The following CNOT1 variants were observed in gnomAD, a reference collection of about 807,000 sequenced individuals.
CNOT1 encodes the protein CCR4-associated factor 1.
In CNOT1, 15 loss-of-function variants were observed where a neutral mutation model predicts 273.8. That is an observed-to-expected ratio of 0.05 (90% confidence interval 0.04 to 0.08). CNOT1 has a LOEUF of 0.08. Among genes scored for constraint, CNOT1 ranks in the 10% least tolerant of loss-of-function variants. The pLI is 1.00. For missense variants in CNOT1, 1,644 were observed against 2,912.2 expected, an observed-to-expected ratio of 0.56 and a Z score of 10.02; for synonymous variants, 1,022 against 1,005.5, an observed-to-expected ratio of 1.02 and a Z score of -0.31.
Position 58,520,845 on chromosome 16 carries a change from C to T in CNOT1, c.*113G>A. On this transcript the variant is annotated 3_prime_UTR_variant, in exon 49 of 49. Transcript: ENST00000317147. ...CAACAGTAGTTGGGGCAGATACCCA[C>T]AAACCAAAGGGCTGGGAAAGTCAGG... 2 of 1,130,032 alleles carry T rather than the reference C, an allele frequency of 1.8e-6. No homozygotes were observed. The highest frequency in any genetic ancestry group is 2.6e-5 in the South Asian group (2 of 75,806). 70.0% of individuals were successfully genotyped at this position (1,130,032 alleles called of 1,614,324 possible).
chr16:58,546,655 A>C lies in CNOT1; in HGVS notation c.3828+17T>G. The C allele has an allele frequency of 1.2e-6, 2 of 1,613,910 alleles. No individual in the cohort carries two copies. The highest frequency in any genetic ancestry group is 1.7e-6 in the Non-Finnish European group (2 of 1,179,904). ...AAGGCAAAGAATGTTCCAGAGGACA[A>C]GGAAGCAGTAAATTACCTTTAAGTC... On this transcript the variant is annotated intron_variant, in intron 28 of 48. Transcript: ENST00000317147.
intron 12 of CNOT1, among the ~76,000 whole-genome samples, chr16:58,580,386 T>C (rs987769986): frequency 2.0e-5 from 3 of 150,752 alleles, no homozygotes; most frequent in Admixed American, 6.6e-5. Flanking sequence ...CTTTCCAACA[T>C]TTGATACTTT....
At chr16:58,628,039 G>A (rs1040353277) in intron 1 of CNOT1, among the ~76,000 whole-genome samples, 1 of 152,122 alleles carries the variant, frequency 6.6e-6, no homozygotes, top group Admixed American at 6.6e-5. Context: ...TGTTGGCCAG[G>A]CTGGTCTCGA....
intron 42 of CNOT1, among the ~76,000 whole-genome samples, chr16:58,531,747 A>C (rs1027907404): frequency 2.0e-5 from 3 of 152,230 alleles, no homozygotes; most frequent in African/African-American, 7.2e-5. Flanking sequence ...CCCACAACTG[A>C]GTTGAAGCAG....
intron 1 of CNOT1, among the ~76,000 whole-genome samples, chr16:58,617,704 A>G (rs1416073509): frequency 6.6e-6 from 1 of 152,112 alleles, no homozygotes; most frequent in Non-Finnish European, 1.5e-5. Flanking sequence ...CCTCAATGTA[A>G]ACACCTCAAA....
intron 3 of CNOT1, 110 bp from the exon 4 acceptor site, chr16:58,587,988 T>C (rs2151986790): frequency 2.7e-6 from 3 of 1,099,640 alleles, no homozygotes; most frequent in East Asian, 2.7e-5. Context: ...TACTGTTATA[T>C]ATTATCAAAA....
In CNOT1 at chr16:58,535,020, A is replaced by T. The variant is rs1182312391; in HGVS notation, c.5647-625T>A. 2.0e-5 allele frequency among the ~76,000 whole-genome samples: 3 copies of T among 152,372 alleles called. No homozygotes were observed. In the East Asian group the frequency reaches 5.8e-4, roughly 29 times the overall value. The stretch of plus-strand genomic sequence containing the variant: ...TTATTTAAAAGAAAGGAAAAATTAG[A>T]AACTATATGACATATGAACTAGAAG... On this transcript the variant is annotated intron_variant, in intron 39 of 48. Transcript: ENST00000317147.
At position 58,575,120 on chromosome 16, in the gene CNOT1, T is replaced by C. The variant is rs778807020; in HGVS notation, c.1714A>G (p.Met572Val). The C allele has an allele frequency of 9.9e-6, 16 of 1,613,628 alleles. No individual in the cohort carries two copies. The highest frequency in any genetic ancestry group is 5.0e-5 in the Admixed American group (3 of 59,912). ...GCAAATGGAGTACCATTTAGCAGCATTGACAAGGCCTAAAGGACAAAGCAC... is the reference window on the plus strand; with the variant it reads ...GCAAATGGAGTACCATTTAGCAGCACTGACAAGGCCTAAAGGACAAAGCAC... Reference protein sequence around the residue: ...DVAQDLKALSMLLNGTPFAFV... With the variant: ...DVAQDLKALSVLLNGTPFAFV... Residue 572 changes from methionine to valine, a missense_variant, in exon 15 of 49, where the codon ATG becomes GTG. This residue lies in a region of CNOT1 where 706 missense variants were observed against 1,021.2 expected (regional missense o/e 0.69). Transcript: ENST00000317147.
At chr16:58,612,960 TA>T (rs1325009373) in intron 1 of CNOT1, among the ~76,000 whole-genome samples, 1 of 152,196 alleles carries the variant, frequency 6.6e-6, no homozygotes, top group East Asian at 1.9e-4. Flanking sequence ...GTGATATTAT[TA>T]CCCCAACTTT....
chr16:58,530,538 T>C (rs2039745568), intron 42 of CNOT1, 191 bp from the exon 43 acceptor site: 1 of 399,866 alleles, frequency 2.5e-6, no homozygotes, highest in Admixed American at 4.0e-5. Flanking sequence ...ATCCCAGCAC[T>C]CTGGGAGGCC....
chr16:58,600,757 G>A (rs1268665866), intron 1 of CNOT1, among the ~76,000 whole-genome samples: 1 of 152,190 alleles, frequency 6.6e-6, no homozygotes, highest in East Asian at 1.9e-4. Flanking sequence ...ATTATTATCA[G>A]TTTAACTCCA....
At chr16:58,540,230 A>G (rs1567393923) in intron 34 of CNOT1, among the ~76,000 whole-genome samples, 1 of 152,156 alleles carries the variant, frequency 6.6e-6, no homozygotes, top group Non-Finnish European at 1.5e-5. Flanking sequence ...GATAAAAGAG[A>G]GCATTAGTAA....
Position 58,575,011 on chromosome 16 carries a change from T to C in CNOT1, c.1823A>G (p.His608Arg). Residue 608 changes from histidine to arginine, a missense_variant, in exon 15 of 49, where the codon CAT (histidine) becomes CGT (arginine). This residue lies in a region of CNOT1 where 706 missense variants were observed against 1,021.2 expected (regional missense o/e 0.69). Coordinates refer to ENST00000317147, the MANE Select transcript of CNOT1 (RefSeq NM_016284.5). Reference sequence around the variant, plus strand: ...AAATGAACAAATCCTGCTTACCCCATGCTCTCGAATTTTATCTGTGAGCCA... The same window carrying C: ...AAATGAACAAATCCTGCTTACCCCACGCTCTCGAATTTTATCTGTGAGCCA... ...DKWLTDKIRE[H>R]GEPFIQACMT... 2 of 1,613,898 alleles carry C rather than the reference T, an allele frequency of 1.2e-6. No individual in the cohort carries two copies. Among genetic ancestry groups the C allele is most frequent in the Non-Finnish European group, 8.5e-7 (1 of 1,179,984 alleles).
rs550604123 is a variant in CNOT1, at chr16:58,584,574, C to T, written c.806+764G>A. Among the ~76,000 whole-genome samples the T allele has an allele frequency of 1.6e-3, 248 of 152,156 alleles. 1 individual carries two copies. The highest frequency in any genetic ancestry group is 5.7e-3 in the African/African-American group (236 of 41,500). ...CTTGAACTCCTGACATCAGGTGATC[C>T]GCCCACCTCGGCCTCCCAAAGTGCT... On this transcript the variant is annotated intron_variant, in intron 8 of 48. Transcript: ENST00000317147.
intron 1 of CNOT1, among the ~76,000 whole-genome samples, chr16:58,601,791 CT>C (rs1342160374): frequency 5.2e-5 from 7 of 134,598 alleles, no homozygotes; most frequent in Middle Eastern, 4.9e-3. Flanking sequence ...AATCCCAGCA[CT>C]TTGGGAGGCT....
chr16:58,555,714 A>G, intron 20 of CNOT1, 70 bp downstream of exon 20: 1 of 1,593,324 alleles, frequency 6.3e-7, no homozygotes, highest in Non-Finnish European at 8.5e-7. Context: ...GGATTTCTAA[A>G]AACATTGAAA....
intron 1 of CNOT1, among the ~76,000 whole-genome samples, chr16:58,603,058 C>T (rs968028310): frequency 6.6e-5 from 10 of 152,068 alleles, no homozygotes; most frequent in Non-Finnish European, 1.3e-4. Context: ...TATTTTGGCT[C>T]CGCCTATAAA....
intron 16 of CNOT1, among the ~76,000 whole-genome samples, chr16:58,568,605 C>T (rs1250807262): frequency 1.4e-5 from 2 of 147,292 alleles, no homozygotes; most frequent in Admixed American, 6.8e-5. Flanking sequence ...GCTTGAACCC[C>T]GGAGGTGGAG....
rs766423577 is a variant in CNOT1, at chr16:58,578,738, A to T, written c.1545T>A (p.Pro515=). Residue 515 remains proline (P), a synonymous_variant, in exon 13 of 49, where the codon CCT becomes CCA. Transcript: ENST00000317147. ...TLMPIFLGNH[P]NSAIILHYAW... ...CATAGTGCAAAATAATAGCTGAGTT[A>T]GGATGGTTTCCAAGGAAAATTGGCA... 6.2e-7 allele frequency: 1 copy of T among 1,614,198 alleles called. No homozygotes were observed. Among genetic ancestry groups the T allele is most frequent in the East Asian group, 2.2e-5 (1 of 44,878 alleles).
Sources: gnomAD v4.1 joint callset for allele counts (sites outside exome capture counted in the v4.1 genomes callset) on GRCh38, gnomAD v4.1.1 for gene constraint, gnomAD v4.1.1 regional missense constraint, MANE v1.5 for transcripts, NCBI Gene and HGNC (gene_info 2026-07-23, HGNC 2026-07-21) for gene names.